Variants in TP53BP1 observed in about 807,000 individuals in gnomAD.
TP53BP1 encodes TP53-binding protein 1.
A neutral mutation model predicts 200.8 loss-of-function variants in TP53BP1; 61 were observed. That is an observed-to-expected ratio of 0.30 (90% CI 0.25 to 0.38). The LOEUF (loss-of-function observed/expected upper bound fraction) is 0.38. Among genes scored for constraint, TP53BP1 ranks in the 10% least tolerant of loss-of-function variants. TP53BP1 has a pLI of 1.00. For synonymous variants in TP53BP1, 822 were observed against 844.3 expected, an observed-to-expected ratio of 0.97 and a Z score of 0.46; for missense variants, 2,144 against 2,371.9, an observed-to-expected ratio of 0.90 and a Z score of 2.00.
rs368526618 is a variant in TP53BP1, at chr15:43,457,075, T to C, written c.1533A>G (p.Leu511=). Residue 511 remains leucine (L), a synonymous_variant, in exon 12 of 28, where the codon CTA becomes CTG. Transcript: ENST00000382044. ...EPKNSPEDLG[L]SLTGDSCKLM... ...ACTTGCAAGAATCCCCTGTCAAAGA[T>C]AGCCCAAGATCCTCAGGGGAATTCT... is the stretch of plus-strand genomic sequence containing the variant. The C allele has an allele frequency of 4.0e-5, 65 of 1,614,094 alleles. No individual in the cohort carries two copies. The highest frequency in any genetic ancestry group is 5.1e-5 in the Non-Finnish European group (60 of 1,180,040).
chr15:43,443,419 C>T (rs540626632), intron 14 of TP53BP1, among the ~76,000 whole-genome samples: 8 of 152,278 alleles, frequency 5.3e-5, no homozygotes, highest in South Asian at 4.1e-4. Context: ...TGGCCAGGCA[C>T]GGTGGCTCAC....
At chr15:43,444,238 A>C (rs1214540086) in intron 14 of TP53BP1, among the ~76,000 whole-genome samples, 1 of 152,178 alleles carries the variant, frequency 6.6e-6, no homozygotes, top group Non-Finnish European at 1.5e-5. Context: ...GTAAGATTTA[A>C]GGCTATCACA....
chr15:43,438,358 C>T lies in TP53BP1; in HGVS notation c.3157G>A (p.Ala1053Thr). ...GTGGTGGGGGGATCCTCACTTCGAG[C>T]CTCATTCTCTTGCCTGGCTTCACAG... ...CICEARQENE[A>T]RSEDPPTTPI... Residue 1053 changes from alanine to threonine, a missense_variant, in exon 16 of 28, where the codon GCT becomes ACT. Around this residue, in one of 4 missense-constraint regions of TP53BP1, gnomAD observed 1,700 missense variants for 1,710.3 expected, o/e 0.99. Coordinates refer to ENST00000382044, the MANE Select transcript of TP53BP1 (RefSeq NM_001141980.3). 1 of 1,613,786 alleles carries T rather than the reference C, an allele frequency of 6.2e-7. No individual in the cohort carries two copies. Among genetic ancestry groups the T allele is most frequent in the Admixed American group, 1.7e-5 (1 of 59,984 alleles).
chr15:43,469,850 A>G lies in TP53BP1; in HGVS notation c.1389+8T>C, dbSNP rs780993445. The G allele has an allele frequency of 1.1e-5, 18 of 1,607,012 alleles. No homozygotes were observed. On this transcript the variant is annotated splice_region_variant and intron_variant, in intron 11 of 27. Transcript: ENST00000382044. Reference sequence around the variant, plus strand: ...GTTAGGAGAAACAACTCTTTTTACAATACTCACATGAGAAAACTGAGGCTG... The same window carrying G: ...GTTAGGAGAAACAACTCTTTTTACAGTACTCACATGAGAAAACTGAGGCTG...
intron 6 of TP53BP1, 99 bp from the exon 7 acceptor site, chr15:43,479,625 G>A: frequency 7.3e-7 from 1 of 1,364,914 alleles, no homozygotes; most frequent in Non-Finnish European, 1.0e-6. Context: ...TTTAACAGAA[G>A]TCCAATTTAA....
chr15:43,467,993 C>T (rs2046630839), intron 11 of TP53BP1, among the ~76,000 whole-genome samples: 1 of 152,088 alleles, frequency 6.6e-6, no homozygotes, highest in African/African-American at 2.4e-5. Context: ...CTGTGCTGGC[C>T]ATGCTGGTCT....
At chr15:43,458,376 T>C (rs1190352880) in intron 11 of TP53BP1, among the ~76,000 whole-genome samples, 2 of 149,646 alleles carry the variant, frequency 1.3e-5, no homozygotes, top group African/African-American at 4.9e-5. Flanking sequence ...AAGGCAGAGG[T>C]TGCAGTGAGC....
chr15:43,450,262 G>A (rs1477257337), intron 12 of TP53BP1, among the ~76,000 whole-genome samples: 3 of 152,094 alleles, frequency 2.0e-5, no homozygotes, highest in Non-Finnish European at 4.4e-5. Context: ...ATGTTAAGAA[G>A]GTCTCTCCTA....
chr15:43,408,237 G>A, intron 26 of TP53BP1, 149 bp from the exon 27 acceptor site: 1 of 807,474 alleles, frequency 1.2e-6, no homozygotes, highest in Non-Finnish European at 1.9e-6. Flanking sequence ...CAGCACTTTG[G>A]GAGGCTGTCG....
At chr15:43,438,913 T>C (rs12913977) in intron 15 of TP53BP1, among the ~76,000 whole-genome samples, 26,599 of 152,010 alleles carry the variant, frequency 0.17, 2,507 homozygotes, top group Middle Eastern at 0.28. Flanking sequence ...TAAGGAACCA[T>C]TGTCAATTTT....
Position 43,441,506 on chromosome 15 carries a change from T to C in TP53BP1, c.3098+20A>G, listed in dbSNP as rs2045924019. The C allele has an allele frequency of 1.3e-6, 2 of 1,580,456 alleles. No individual in the cohort carries two copies. Among genetic ancestry groups the C allele is most frequent in the Non-Finnish European group, 8.7e-7 (1 of 1,149,602 alleles). On this transcript the variant is annotated intron_variant, in intron 15 of 27. Transcript: ENST00000382044. The stretch of plus-strand genomic sequence containing the variant: ...CAGTAGCTGTGTATTAAACTCTAAA[T>C]AGCATCCAGCTTTGGTTACCTGGCA...
intron 24 of TP53BP1, among the ~76,000 whole-genome samples, chr15:43,410,607 AG>A (rs1167559400): frequency 2.0e-5 from 3 of 152,152 alleles, no homozygotes; most frequent in African/African-American, 7.2e-5. Flanking sequence ...GTTAATTAGG[AG>A]TTTTGGGAAA....
chr15:43,499,629 T>C (rs1478012769), intron 1 of TP53BP1, among the ~76,000 whole-genome samples: 1 of 152,178 alleles, frequency 6.6e-6, no homozygotes, highest in Admixed American at 6.5e-5. Flanking sequence ...AGAATAGCAG[T>C]AATGCATCTT....
intron 10 of TP53BP1, among the ~76,000 whole-genome samples, chr15:43,473,469 G>T (rs1387823603): frequency 6.6e-6 from 1 of 152,064 alleles, no homozygotes; most frequent in Non-Finnish European, 1.5e-5. Flanking sequence ...CCCCACCAGA[G>T]TAGCTAGATA....
chr15:43,492,327 C>G lies in TP53BP1; in HGVS notation c.149G>C (p.Arg50Pro). Residue 50 changes from arginine (R) to proline (P), a missense_variant, in exon 2 of 28, where the codon CGA becomes CCA. Physicochemically the swap from Arg to Pro is moderately radical, Grantham distance 103. Around this residue, in one of 4 missense-constraint regions of TP53BP1, gnomAD observed 1,700 missense variants for 1,710.3 expected, o/e 0.99. Coordinates refer to ENST00000382044, the MANE Select transcript of TP53BP1 (RefSeq NM_001141980.3). ...DSGSHFSMLS[R>P]HLPNLQTHKE... ...GTGCGTCTGGAGATTAGGAAGGTGT[C>G]GAGATAGCATACTGAAGTGAGAACC... 1 of 1,614,060 alleles carries G rather than the reference C, an allele frequency of 6.2e-7. No individual in the cohort carries two copies. Among genetic ancestry groups the G allele is most frequent in the Non-Finnish European group, 8.5e-7 (1 of 1,180,014 alleles).
chr15:43,470,123 T>A, intron 10 of TP53BP1, 57 bp from the exon 11 acceptor site: 1 of 1,393,454 alleles, frequency 7.2e-7, no homozygotes. Context: ...ATTACTCATG[T>A]TCCAAAACCA....
chr15:43,428,554 T>C (rs549385289), intron 17 of TP53BP1, among the ~76,000 whole-genome samples: 3 of 152,324 alleles, frequency 2.0e-5, no homozygotes, highest in African/African-American at 7.2e-5. Context: ...AATAGCTCTT[T>C]AGATAAAAGG....
Position 43,477,654 on chromosome 15 carries a change from C to G in TP53BP1, c.894G>C (p.Lys298Asn). 1 of 1,613,928 alleles carries G rather than the reference C, an allele frequency of 6.2e-7. No homozygotes were observed. The highest frequency in any genetic ancestry group is 8.5e-7 in the Non-Finnish European group (1 of 1,179,904). The part of the protein sequence containing the change: ...ELMESGLQIQ[K>N]SPEPEVLSTQ... ...TTGACAAAACCTCAGGCTCTGGTGA[C>G]TTCTGAATCTGCAGTCCACTTTCCA... is the stretch of plus-strand genomic sequence containing the variant. Residue 298 changes from lysine to asparagine, a missense_variant, in exon 8 of 28, where the codon AAG becomes AAC. This residue lies in a region of TP53BP1 where 1,700 missense variants were observed against 1,710.3 expected (regional missense o/e 0.99). Transcript: ENST00000382044.
rs2044867349 is a variant in TP53BP1, at chr15:43,406,141, C to G, written c.*1242G>C. Reference sequence around the variant, plus strand: ...TTAGATTTTTAAATACTGAAGATTGCAGGCCCAATTACCCATCTTACACAA... The same window carrying G: ...TTAGATTTTTAAATACTGAAGATTGGAGGCCCAATTACCCATCTTACACAA... On this transcript the variant is annotated 3_prime_UTR_variant, in exon 28 of 28. Coordinates refer to ENST00000382044, the MANE Select transcript of TP53BP1 (RefSeq NM_001141980.3). 1 of 151,186 alleles carries G rather than the reference C, an allele frequency of 6.6e-6. No individual in the cohort carries two copies. Among genetic ancestry groups the G allele is most frequent in the Admixed American group, 6.6e-5 (1 of 15,156 alleles). The allele number at this position is 151,186 out of a possible 1,614,324, so 9.4% of individuals were successfully genotyped here. A position where few individuals can be genotyped will look rare whatever the true frequency, so the allele number is the denominator to read the frequency against.
Sources: gnomAD v4.1 joint callset for allele counts (sites outside exome capture counted in the v4.1 genomes callset) on GRCh38, gnomAD v4.1.1 for gene constraint, gnomAD v4.1.1 regional missense constraint, MANE v1.5 for transcripts, NCBI Gene and HGNC (gene_info 2026-07-23, HGNC 2026-07-21) for gene names.